The following OSMR variants were observed in gnomAD, a reference collection of about 807,000 sequenced individuals.
OSMR encodes oncostatin-M-specific receptor subunit beta.
Under a neutral mutation model 99.9 loss-of-function variants are expected in OSMR, and 81 were observed. That is an observed-to-expected ratio of 0.81 (90% CI 0.68 to 0.97). The LOEUF is 0.97. Among genes scored for constraint, OSMR ranks in the 50% least tolerant of loss-of-function variants. The probability of loss-of-function intolerance (pLI) is 0.00; values close to 1 mark genes in which losing one functional copy is unlikely to be tolerated. For synonymous variants in OSMR, 406 were observed against 410.4 expected, an observed-to-expected ratio of 0.99 and a Z score of 0.13; for missense variants, 1,099 against 1,153.4, an observed-to-expected ratio of 0.95 and a Z score of 0.68.
chr5:38,942,776 A>G (rs777597835), intron 1 of OSMR: 2 of 1,397,130 alleles, frequency 1.4e-6, no homozygotes, highest in Non-Finnish European at 2.0e-6. Context: ...TTTTAATTCA[A>G]TTCAAACACA....
intron 1 of OSMR, among the ~76,000 whole-genome samples, chr5:38,862,547 C>T (rs1741523710): frequency 6.7e-6 from 1 of 150,320 alleles, no homozygotes. Context: ...GGCAGAGGGT[C>T]TCCTCACTTC....
chr5:38,890,328 G>C (rs1200194841), intron 7 of OSMR, among the ~76,000 whole-genome samples: 1 of 152,136 alleles, frequency 6.6e-6, no homozygotes, highest in Non-Finnish European at 1.5e-5. Context: ...ATCATGCATG[G>C]CAGACAAAGC....
At chr5:38,945,153 T>G (rs570365168), downstream of OSMR, 23 of 947,938 alleles carry the variant, frequency 2.4e-5, no homozygotes, top group African/African-American at 3.7e-4. Context: ...AGAAATAATA[T>G]AAAATAACAT....
Position 38,932,449 on chromosome 5 carries a change from G to A in OSMR, c.2295-14G>A, listed in dbSNP as rs369479225. The A allele has an allele frequency of 1.7e-5, 27 of 1,605,296 alleles. No homozygotes were observed. Among genetic ancestry groups the A allele is most frequent in the Middle Eastern group, 1.6e-4 (1 of 6,076 alleles). On this transcript the variant is annotated splice_polypyrimidine_tract_variant and intron_variant, in intron 16 of 17. Transcript: ENST00000274276. ...TACTGTGAAATTCAGTCTCATTTTCGCTTTTTTTTCTAGGATCAAGGAGAC... is the reference window on the plus strand; with the variant it reads ...TACTGTGAAATTCAGTCTCATTTTCACTTTTTTTTCTAGGATCAAGGAGAC...
At position 38,932,532 on chromosome 5, in the gene OSMR, C is replaced by G. The variant is rs1220571569; in HGVS notation, c.2364C>G (p.Phe788Leu). The G allele has an allele frequency of 2.5e-6, 4 of 1,612,024 alleles. No homozygotes were observed. The highest frequency in any genetic ancestry group is 3.4e-6 in the Non-Finnish European group (4 of 1,178,590). The change falls in exon 17 of 18, where the codon TTC (phenylalanine) becomes TTG (leucine). Residue 788 changes from phenylalanine (F) to leucine (L), a missense_variant. Phe to Leu is a conservative substitution (Grantham distance 22). Coordinates refer to ENST00000274276, the MANE Select transcript of OSMR (RefSeq NM_003999.3). ...GCAGCATCCTGTCATTAATAAAATT[C>G]AAGGTAAATGTTGGCAAATTGTATG... ...YKSSILSLIK[F>L]KENPHLIIMN...
intron 2 of OSMR, among the ~76,000 whole-genome samples, chr5:38,874,774 T>C (rs1742674063): frequency 6.6e-6 from 1 of 152,230 alleles, no homozygotes; most frequent in Non-Finnish European, 1.5e-5. Flanking sequence ...TCCTATTTAA[T>C]TTCACATTGC....
Position 38,924,475 on chromosome 5 carries a change from A to G in OSMR, c.1924A>G (p.Thr642Ala), listed in dbSNP as rs1746379537. The G allele has an allele frequency of 6.2e-7, 1 of 1,612,998 alleles. No homozygotes were observed. Among genetic ancestry groups the G allele is most frequent in the East Asian group, 2.2e-5 (1 of 44,876 alleles). Residue 642 changes from threonine (T) to alanine (A), a missense_variant, in exon 14 of 18, where the codon ACT (threonine) becomes GCT (alanine). By Grantham distance (58) the Thr-to-Ala change is moderately conservative. Coordinates refer to ENST00000274276, the MANE Select transcript of OSMR (RefSeq NM_003999.3). ...GGATACATTGACATCCCACTCCTTCACTCTGAGTTGGAAAGATTACTCTAC... is the reference window on the plus strand; with the variant it reads ...GGATACATTGACATCCCACTCCTTCGCTCTGAGTTGGAAAGATTACTCTAC... ...LVDTLTSHSF[T>A]LSWKDYSTES...
intron 2 of OSMR, among the ~76,000 whole-genome samples, chr5:38,874,260 C>G (rs1742631595): frequency 6.6e-6 from 1 of 152,086 alleles, no homozygotes; most frequent in African/African-American, 2.4e-5. Flanking sequence ...GTTGCTCATA[C>G]TCTGGATTCA....
downstream of OSMR, chr5:38,940,130 T>TAAAAAAAAAAAAAAA (rs1554057737): frequency 2.5e-5 from 2 of 80,550 alleles, no homozygotes; most frequent in African/African-American, 1.8e-4. Context: ...AAAGTAACAG[T>TAAAAAAAAAAAAAAA]AAAAAAAAAA....
chr5:38,860,203 C>T (rs1313017331), intron 1 of OSMR, among the ~76,000 whole-genome samples: 1 of 152,120 alleles, frequency 6.6e-6, no homozygotes, highest in Non-Finnish European at 1.5e-5. Flanking sequence ...AGCTGTGGGT[C>T]TGTCATATGT....
intron 9 of OSMR, among the ~76,000 whole-genome samples, chr5:38,904,995 G>C (rs1163450630): frequency 1.3e-5 from 2 of 152,156 alleles, no homozygotes; most frequent in Non-Finnish European, 2.9e-5. Flanking sequence ...GGTTTCCTCA[G>C]TATTGACTGC....
In OSMR at chr5:38,879,622, CTTTTTTTT is replaced by C. The variant is rs1173567281; in HGVS notation, c.247-1959_247-1952del. On this transcript the variant is annotated intron_variant, in intron 3 of 17. Transcript: ENST00000274276. ...GGGGGAAGAGAGGAAATATTTGCTC[CTTTTTTTT>C]TTTTTTTTTTTGAGATGGAGTCTCA... Among the ~76,000 whole-genome samples the C allele has an allele frequency of 5.3e-5, 7 of 131,230 alleles. No homozygotes were observed. The East Asian group carries it at 1.6e-3, about 29-fold the overall frequency. The allele number at this position is 131,230 out of a possible 152,430, so 86.1% of individuals were successfully genotyped here. A position where few individuals can be genotyped will look rare whatever the true frequency, so the allele number is the denominator to read the frequency against.
chr5:38,940,335 T>C, downstream of OSMR: 1 of 231,438 alleles, frequency 4.3e-6, no homozygotes. Flanking sequence ...ACTGAGGTAG[T>C]GTTTAAAATG....
chr5:38,941,349 T>C (rs746156341), intron 1 of OSMR: 17 of 231,798 alleles, frequency 7.3e-5, no homozygotes, highest in Non-Finnish European at 1.5e-4. Flanking sequence ...AATATGGCTC[T>C]TCTTTCCCCA....
intron 4 of OSMR, among the ~76,000 whole-genome samples, chr5:38,882,712 C>T (rs7718112): frequency 0.27 from 40,626 of 152,004 alleles, 6,128 homozygotes; most frequent in Non-Finnish European, 0.34. Flanking sequence ...AGATTATTTG[C>T]GCACGTTAAA....
chr5:38,918,829 A>AT lies in OSMR; in HGVS notation c.1363-4dup, dbSNP rs1561402082. The AT allele has an allele frequency of 2.5e-6, 4 of 1,613,638 alleles. No individual in the cohort carries two copies. Among genetic ancestry groups the AT allele is most frequent in the Non-Finnish European group, 3.4e-6 (4 of 1,179,598 alleles). ...AACCCATTTAAAAATGTTTATCAAT[A>AT]TTTTTTTCAGCCATTATCAAAACTG... On this transcript the variant is annotated splice_polypyrimidine_tract_variant and intron_variant, in intron 10 of 17. Coordinates refer to ENST00000274276, the MANE Select transcript of OSMR (RefSeq NM_003999.3).
intron 7 of OSMR, among the ~76,000 whole-genome samples, chr5:38,893,160 A>G (rs990108297): frequency 6.6e-6 from 1 of 152,246 alleles, no homozygotes; most frequent in African/African-American, 2.4e-5. Context: ...CTACTGGCCT[A>G]TAGGCCAAGC....
At chr5:38,941,611 G>C (rs1217144098) in intron 1 of OSMR, 6 of 231,512 alleles carry the variant, frequency 2.6e-5, no homozygotes, top group Non-Finnish European at 5.1e-5. Context: ...AACCTTAATT[G>C]GTTCATATAT....
intron 15 of OSMR, among the ~76,000 whole-genome samples, chr5:38,931,257 T>A (rs1746734818): frequency 6.6e-6 from 1 of 152,184 alleles, no homozygotes; most frequent in East Asian, 1.9e-4. Context: ...CTCCGTGGCA[T>A]ACAAGAACAA....
Sources: allele counts gnomAD v4.1 joint callset (sites outside exome capture counted in the v4.1 genomes callset), GRCh38; gene constraint gnomAD v4.1.1; transcripts MANE v1.5; gene names NCBI Gene and HGNC (gene_info 2026-07-23, HGNC 2026-07-21).